SLC4A10: variants seen among roughly 807,000 people sequenced by gnomAD.
SLC4A10 encodes the protein sodium-driven chloride bicarbonate exchanger.
In SLC4A10, 42 loss-of-function variants were observed where a neutral mutation model predicts 137.7. The observed-to-expected ratio is 0.30, with a 90% CI of 0.24 to 0.39. SLC4A10 has a LOEUF of 0.39. Among genes scored for constraint, SLC4A10 ranks in the 10% least tolerant of loss-of-function variants. The pLI is 1.00. For synonymous variants in SLC4A10, 474 were observed against 464.1 expected (o/e 1.02, Z -0.27); for missense variants, 925 against 1,355.0 (o/e 0.68, Z 4.98).
intron 11 of SLC4A10, 105 bp from the exon 12 acceptor site, chr2:161,900,806 C>T: frequency 1.3e-6 from 1 of 741,854 alleles, no homozygotes; most frequent in Non-Finnish European, 2.2e-6. Context: ...GGGTTCTCAG[C>T]TATTGTGCAT....
intron 3 of SLC4A10, among the ~76,000 whole-genome samples, chr2:161,807,278 A>G (rs957176584): frequency 2.0e-5 from 3 of 152,134 alleles, no homozygotes; most frequent in Non-Finnish European, 4.4e-5. Context: ...ACTATTGTGA[A>G]TGCTCTCTCA....
chr2:161,880,001 A>G (rs1166119153), intron 9 of SLC4A10, among the ~76,000 whole-genome samples: 1 of 152,146 alleles, frequency 6.6e-6, no homozygotes, highest in Non-Finnish European at 1.5e-5. Flanking sequence ...AAAAAGAAAA[A>G]GATAAAAAAA....
chr2:161,737,156 G>A (rs1487879374), intron 1 of SLC4A10, among the ~76,000 whole-genome samples: 4 of 152,032 alleles, frequency 2.6e-5, no homozygotes, highest in African/African-American at 9.7e-5. Flanking sequence ...ACCATGCCTG[G>A]CAAAATTTTC....
chr2:161,785,181 C>A (rs985775078), intron 2 of SLC4A10, among the ~76,000 whole-genome samples: 6 of 151,364 alleles, frequency 4.0e-5, no homozygotes, highest in African/African-American at 1.5e-4. Context: ...AAACACGAAA[C>A]AAGAAGATAT....
chr2:161,976,732 T>C, intron 24 of SLC4A10, 28 bp from the exon 25 acceptor site: 2 of 1,205,218 alleles, frequency 1.7e-6, no homozygotes, highest in South Asian at 3.4e-5. Flanking sequence ...TAATGTTTAT[T>C]ATTTCATTTG....
At chr2:161,903,107 C>A (rs1484894296) in intron 12 of SLC4A10, among the ~76,000 whole-genome samples, 2 of 152,108 alleles carry the variant, frequency 1.3e-5, no homozygotes, top group Non-Finnish European at 2.9e-5. Context: ...AGAATACCTA[C>A]TTATTAATGC....
At chr2:161,855,481 C>T (rs1385845176) in intron 5 of SLC4A10, among the ~76,000 whole-genome samples, 2 of 151,830 alleles carry the variant, frequency 1.3e-5, no homozygotes, top group Non-Finnish European at 2.9e-5. Flanking sequence ...ATGAAATAAC[C>T]AAATGAAAAA....
intron 1 of SLC4A10, among the ~76,000 whole-genome samples, chr2:161,743,484 A>AT (rs1444623794): frequency 1.3e-5 from 2 of 152,012 alleles, no homozygotes; most frequent in African/African-American, 4.8e-5. Flanking sequence ...CTATGTGGCT[A>AT]TTTTTATGTC....
chr2:161,729,327 A>C (rs953800107), intron 1 of SLC4A10, among the ~76,000 whole-genome samples: 1 of 152,198 alleles, frequency 6.6e-6, no homozygotes, highest in Admixed American at 6.5e-5. Flanking sequence ...CCAAACTCAT[A>C]AAACTGGTTT....
Position 161,809,500 on chromosome 2 carries a change from T to C in SLC4A10, c.277+4905T>C, listed in dbSNP as rs575078702. On this transcript the variant is annotated intron_variant, in intron 3 of 26. Coordinates refer to ENST00000446997, the MANE Select transcript of SLC4A10 (RefSeq NM_001178015.2). ...CCTAAGCTTTCTTCTAGAATTATTA[T>C]AACTTAAAGTCTTACATTTAACTCT... Among the ~76,000 whole-genome samples, 6 of 152,254 alleles carry C rather than the reference T, an allele frequency of 3.9e-5. No homozygotes were observed. In the East Asian group the frequency reaches 1.2e-3, roughly 29 times the overall value.
intron 12 of SLC4A10, chr2:161,902,000 T>C (rs1208635451): frequency 4.4e-6 from 2 of 456,238 alleles, no homozygotes; most frequent in East Asian, 1.4e-4. Context: ...AAGTTCACTT[T>C]TCCTTACTGC....
chr2:161,649,911 G>T (rs2036555111), intron 1 of SLC4A10, among the ~76,000 whole-genome samples: 1 of 152,066 alleles, frequency 6.6e-6, no homozygotes, highest in African/African-American at 2.4e-5. Flanking sequence ...TTATAGAAAG[G>T]ATGCAAAGAT....
intron 21 of SLC4A10, among the ~76,000 whole-genome samples, chr2:161,962,872 C>T (rs1696963352): frequency 6.6e-6 from 1 of 152,060 alleles, no homozygotes; most frequent in Admixed American, 6.6e-5. Flanking sequence ...ACTCAATGGA[C>T]AACTGTTCCT....
intron 15 of SLC4A10, among the ~76,000 whole-genome samples, chr2:161,937,850 A>C (rs1016015203): frequency 6.6e-6 from 1 of 152,164 alleles, no homozygotes; most frequent in African/African-American, 2.4e-5. Flanking sequence ...GGCTTACTTG[A>C]AGGTTACCGT....
chr2:161,667,028 T>A (rs549484188), intron 1 of SLC4A10, among the ~76,000 whole-genome samples: 1 of 151,672 alleles, frequency 6.6e-6, no homozygotes, highest in Non-Finnish European at 1.5e-5. Context: ...GGAAAGAGTA[T>A]CTATAATGAA....
At chr2:161,720,244 A>G in intron 1 of SLC4A10, among the ~76,000 whole-genome samples, 1 of 152,062 alleles carries the variant, frequency 6.6e-6, no homozygotes, top group Non-Finnish European at 1.5e-5. Context: ...GTTCTGTTCC[A>G]TTGATCTATA....
intron 1 of SLC4A10, among the ~76,000 whole-genome samples, chr2:161,676,393 G>C (rs2040278453): frequency 6.6e-6 from 1 of 152,016 alleles, no homozygotes; most frequent in Non-Finnish European, 1.5e-5. Flanking sequence ...CCTATTTTTT[G>C]CTAGACTTTT....
intron 4 of SLC4A10, 89 bp downstream of exon 4, chr2:161,840,016 A>T (rs1203563082): frequency 1.3e-6 from 2 of 1,498,368 alleles, no homozygotes; most frequent in South Asian, 1.2e-5. Flanking sequence ...TTTTGCAAAC[A>T]TCTATGATTG....
At chr2:161,930,853 A>G (rs186546056) in intron 15 of SLC4A10, among the ~76,000 whole-genome samples, 1 of 152,272 alleles carries the variant, frequency 6.6e-6, no homozygotes, top group African/African-American at 2.4e-5. Flanking sequence ...AAGTTGACAA[A>G]GTAGATAAGA....
Sources: allele counts gnomAD v4.1 joint callset (sites outside exome capture counted in the v4.1 genomes callset), GRCh38; gene constraint gnomAD v4.1.1; transcripts MANE v1.5; gene names NCBI Gene and HGNC (gene_info 2026-07-23, HGNC 2026-07-21).